The following RANBP17 variants were observed in gnomAD, a reference collection of about 807,000 sequenced individuals.
RANBP17 encodes the protein RAN binding protein 17.
In RANBP17, 158 loss-of-function variants were observed where a neutral mutation model predicts 141.2. The ratio of observed to expected loss-of-function variants is 1.12; its 90% CI spans 0.98 to 1.28. The LOEUF is 1.28. RANBP17 is among the 50% of genes most tolerant of loss of function. RANBP17 has a pLI of 0.00. For missense variants in RANBP17, 1,438 were observed against 1,290.7 expected (o/e 1.11, Z -1.75); for synonymous variants, 430 against 450.0 (o/e 0.96, Z 0.56).
chr5:170,962,351 T>G (rs532231286), intron 13 of RANBP17, among the ~76,000 whole-genome samples: 8 of 152,196 alleles, frequency 5.3e-5, no homozygotes, highest in Non-Finnish European at 1.2e-4. Flanking sequence ...TTAAAATGAG[T>G]TGTAAAGGCA....
At chr5:171,174,344 C>T (rs1259872873) in intron 16 of RANBP17, among the ~76,000 whole-genome samples, 1 of 152,088 alleles carries the variant, frequency 6.6e-6, no homozygotes, top group Non-Finnish European at 1.5e-5. Flanking sequence ...GGATCTTTCC[C>T]TTCTTTGAAA....
chr5:171,012,607 G>A (rs1007560579), intron 14 of RANBP17, among the ~76,000 whole-genome samples: 1 of 152,100 alleles, frequency 6.6e-6, no homozygotes, highest in African/African-American at 2.4e-5. Context: ...ATAAGTTAAA[G>A]TAGAAATTGT....
At chr5:170,877,994 T>C in intron 1 of RANBP17, 103 bp from the exon 2 acceptor site, 1 of 757,286 alleles carries the variant, frequency 1.3e-6, no homozygotes, top group Non-Finnish European at 2.0e-6. Flanking sequence ...ATGTATTGAA[T>C]TAATGAATAC....
chr5:171,031,650 GA>G (rs1781556116), intron 14 of RANBP17, among the ~76,000 whole-genome samples: 1 of 151,892 alleles, frequency 6.6e-6, no homozygotes, highest in African/African-American at 2.4e-5. Context: ...GACACACACA[GA>G]AAAGACCAGT....
intron 22 of RANBP17, among the ~76,000 whole-genome samples, chr5:171,240,067 A>G (rs1764771321): frequency 6.6e-6 from 1 of 152,156 alleles, no homozygotes; most frequent in African/African-American, 2.4e-5. Context: ...ATACTTCTAA[A>G]TTTTGTAAAT....
chr5:170,943,521 T>C (rs1774505489), intron 12 of RANBP17, among the ~76,000 whole-genome samples: 1 of 152,048 alleles, frequency 6.6e-6, no homozygotes, highest in Admixed American at 6.6e-5. Context: ...ATTATTTTGT[T>C]AAGGAAAAAA....
At chr5:171,163,711 C>G (rs1759493931) in intron 14 of RANBP17, among the ~76,000 whole-genome samples, 1 of 152,100 alleles carries the variant, frequency 6.6e-6, no homozygotes, top group African/African-American at 2.4e-5. Flanking sequence ...ATAAGTCATT[C>G]CAATAGATTG....
intron 14 of RANBP17, among the ~76,000 whole-genome samples, chr5:171,061,373 A>G (rs1253631797): frequency 9.2e-5 from 14 of 151,920 alleles, no homozygotes; most frequent in Admixed American, 2.6e-4. Context: ...CTTTGTTCTC[A>G]TTGGTTTCAA....
intron 12 of RANBP17, among the ~76,000 whole-genome samples, chr5:170,927,504 C>T (rs908761073): frequency 3.9e-5 from 6 of 152,050 alleles, no homozygotes; most frequent in Admixed American, 3.3e-4. Flanking sequence ...ACATAAGAGC[C>T]ATTTGGCCTT....
intron 14 of RANBP17, among the ~76,000 whole-genome samples, chr5:170,989,288 C>T (rs777690460): frequency 2.0e-5 from 3 of 151,734 alleles, no homozygotes; most frequent in Admixed American, 6.6e-5. Context: ...TGTAAATAAT[C>T]CATCCCACAT....
chr5:171,173,058 T>C (rs1760210815), intron 16 of RANBP17, among the ~76,000 whole-genome samples: 1 of 152,024 alleles, frequency 6.6e-6, no homozygotes, highest in Non-Finnish European at 1.5e-5. Flanking sequence ...GGTTTGCATA[T>C]TTAGAAATAT....
At chr5:171,199,255 C>T (rs533695926) in intron 18 of RANBP17, among the ~76,000 whole-genome samples, 1 of 151,986 alleles carries the variant, frequency 6.6e-6, no homozygotes, top group Non-Finnish European at 1.5e-5. Context: ...TTAGAGCTAT[C>T]TGGGCACCTG....
rs187123170 is a variant in RANBP17 at position 171,183,403 on chromosome 5, C to T, written c.2011C>T (p.Leu671Phe). 7 of 1,613,458 alleles carry T rather than the reference C, an allele frequency of 4.3e-6. No homozygotes were observed. The Admixed American group carries it at 1.0e-4, about 23-fold the overall frequency. ...FRCRTTFYTA[L>F]TRLLMVDLGE... ...GTGTCGAACAACCTTCTACACAGCG[C>T]TCACTCGCCTTCTGATGGTAGATCT... is the stretch of plus-strand genomic sequence containing the variant. Residue 671 changes from leucine to phenylalanine, a missense_variant, in exon 18 of 28, where the codon CTC (leucine) becomes TTC (phenylalanine). Physicochemically the swap from Leu to Phe is conservative, Grantham distance 22. Coordinates refer to ENST00000523189, the MANE Select transcript of RANBP17 (RefSeq NM_022897.5).
intron 14 of RANBP17, among the ~76,000 whole-genome samples, chr5:171,059,068 T>C (rs1292715412): frequency 6.6e-6 from 1 of 151,874 alleles, no homozygotes; most frequent in Non-Finnish European, 1.5e-5. Flanking sequence ...TATTAGCCCT[T>C]TGTCAGATGA....
chr5:171,152,447 C>A (rs553729788), intron 14 of RANBP17, among the ~76,000 whole-genome samples: 1 of 150,098 alleles, frequency 6.7e-6, no homozygotes, highest in South Asian at 2.1e-4. Flanking sequence ...CAAAAAGATA[C>A]AAGCTTTACC....
intron 13 of RANBP17, among the ~76,000 whole-genome samples, chr5:170,957,072 A>AACACACACACACACACACACACAC (rs58034888): frequency 1.4e-5 from 2 of 142,902 alleles, no homozygotes; most frequent in African/African-American, 2.6e-5. Context: ...TCTGTCTCAA[A>AACACACACACACACACACACACAC]ACACACACAC....
intron 13 of RANBP17, among the ~76,000 whole-genome samples, chr5:170,955,614 A>AGTCT (rs1491113390): frequency 4.5e-5 from 1 of 22,212 alleles, no homozygotes; most frequent in Non-Finnish European, 9.0e-5. Context: ...ATATATGCTC[A>AGTCT]GTGTATATAT....
At chr5:171,258,116 A>AACAC (rs1554124850) in intron 24 of RANBP17, among the ~76,000 whole-genome samples, 14 of 98,942 alleles carry the variant, frequency 1.4e-4, no homozygotes, top group Non-Finnish European at 2.0e-4. Flanking sequence ...AAAAAAAAAA[A>AACAC]ATACACACAC....
At chr5:171,121,507 G>C (rs922350527) in intron 14 of RANBP17, among the ~76,000 whole-genome samples, 1 of 152,210 alleles carries the variant, frequency 6.6e-6, no homozygotes, top group African/African-American at 2.4e-5. Context: ...TTCTGAGTTG[G>C]CTGATTCGCT....
Sources: gnomAD v4.1 joint callset for allele counts (sites outside exome capture counted in the v4.1 genomes callset) on GRCh38, gnomAD v4.1.1 for gene constraint, MANE v1.5 for transcripts, NCBI Gene and HGNC (gene_info 2026-07-23, HGNC 2026-07-21) for gene names.